The following PDE4B variants were observed in gnomAD, a reference collection of about 807,000 sequenced individuals.
The protein encoded by PDE4B is phosphodiesterase 4B.
In PDE4B, 20 loss-of-function variants were observed where a neutral mutation model predicts 82.2. That is an observed-to-expected ratio of 0.24 (90% CI 0.17 to 0.35). The LOEUF is 0.35. PDE4B is among the 10% of genes least tolerant of loss of function. The pLI, the probability that PDE4B is intolerant of heterozygous loss-of-function variation, is 1.00. For synonymous variants in PDE4B, 320 were observed against 318.9 expected (o/e 1.00, Z -0.04); for missense variants, 655 against 907.2 (o/e 0.72, Z 3.57).
intron 7 of PDE4B, among the ~76,000 whole-genome samples, chr1:66,321,675 A>G (rs1048220117): frequency 6.6e-6 from 1 of 152,298 alleles, no homozygotes; most frequent in African/African-American, 2.4e-5. Flanking sequence ...ATAAAAGAGG[A>G]CACAAACAAA....
chr1:66,356,053 G>T (rs1487313358), intron 9 of PDE4B, among the ~76,000 whole-genome samples: 1 of 152,168 alleles, frequency 6.6e-6, no homozygotes, highest in Non-Finnish European at 1.5e-5. Flanking sequence ...TTTTGTAGGG[G>T]ATATGGTTGA....
intron 8 of PDE4B, among the ~76,000 whole-genome samples, chr1:66,346,193 A>G (rs1661382795): frequency 6.6e-6 from 1 of 152,158 alleles, no homozygotes; most frequent in Admixed American, 6.5e-5. Flanking sequence ...TTCCTGGCAT[A>G]TTGGTGACAC....
intron 1 of PDE4B, among the ~76,000 whole-genome samples, chr1:65,804,756 C>T (rs950367440): frequency 3.3e-5 from 5 of 152,018 alleles, no homozygotes; most frequent in Non-Finnish European, 7.4e-5. Flanking sequence ...TGAGCTATTC[C>T]AGGTGGGCTG....
chr1:66,279,376 C>T (rs1375382712), intron 7 of PDE4B, among the ~76,000 whole-genome samples: 2 of 151,868 alleles, frequency 1.3e-5, no homozygotes, highest in Admixed American at 6.6e-5. Flanking sequence ...GAGTTTAAAC[C>T]GTTTGGAAAT....
At chr1:66,145,084 C>G (rs1646242984) in intron 3 of PDE4B, among the ~76,000 whole-genome samples, 7 of 152,174 alleles carry the variant, frequency 4.6e-5, no homozygotes, top group Admixed American at 3.9e-4. Context: ...CTGCTAGCTT[C>G]TAAAACAAAC....
chr1:66,337,476 A>C (rs986101165), intron 8 of PDE4B, among the ~76,000 whole-genome samples: 3 of 152,206 alleles, frequency 2.0e-5, no homozygotes, highest in African/African-American at 7.2e-5. Flanking sequence ...AGAGGCAGCA[A>C]TGAGAGGTGT....
chr1:65,819,953 C>A (rs1409173709), intron 1 of PDE4B, among the ~76,000 whole-genome samples: 1 of 152,132 alleles, frequency 6.6e-6, no homozygotes, highest in Non-Finnish European at 1.5e-5. Context: ...GAATAAGAGA[C>A]AGTATCAACA....
intron 3 of PDE4B, among the ~76,000 whole-genome samples, chr1:65,969,434 G>A (rs746835731): frequency 6.6e-6 from 1 of 152,158 alleles, no homozygotes; most frequent in African/African-American, 2.4e-5. Context: ...TGGGACACTT[G>A]ATGAATAATG....
chr1:66,340,193 G>A (rs1047640407), intron 8 of PDE4B, among the ~76,000 whole-genome samples: 11 of 152,130 alleles, frequency 7.2e-5, no homozygotes, highest in Non-Finnish European at 1.5e-4. Flanking sequence ...TCACTTGTAC[G>A]TGATGTTTCC....
chr1:66,077,735 C>T (rs924506458), intron 3 of PDE4B, among the ~76,000 whole-genome samples: 2 of 152,168 alleles, frequency 1.3e-5, no homozygotes, highest in African/African-American at 2.4e-5. Flanking sequence ...TTGTGAAGAA[C>T]TTGGGTTCTC....
chr1:66,096,896 C>A (rs1022976129), intron 3 of PDE4B, among the ~76,000 whole-genome samples: 2 of 151,784 alleles, frequency 1.3e-5, no homozygotes, highest in Non-Finnish European at 2.9e-5. Flanking sequence ...ATCTGGTCAG[C>A]ATAATGCTTC....
intron 1 of PDE4B, among the ~76,000 whole-genome samples, chr1:65,900,826 A>G (rs965253730): frequency 2.0e-5 from 3 of 152,106 alleles, no homozygotes; most frequent in Non-Finnish European, 4.4e-5. Context: ...AACTTTACTG[A>G]AGTCATTTAT....
At chr1:66,211,157 A>C (rs1650014768) in intron 3 of PDE4B, among the ~76,000 whole-genome samples, 1 of 152,220 alleles carries the variant, frequency 6.6e-6, no homozygotes, top group Non-Finnish European at 1.5e-5. Flanking sequence ...CCACATGGTC[A>C]CCTGAATTCC....
intron 6 of PDE4B, 61 bp from the exon 7 acceptor site, chr1:66,265,977 C>A: frequency 8.1e-7 from 1 of 1,227,920 alleles, no homozygotes; most frequent in Non-Finnish European, 1.2e-6. Context: ...GGTGGGGTGT[C>A]GGGGGTGGAA....
intron 3 of PDE4B, among the ~76,000 whole-genome samples, chr1:66,039,831 T>C (rs1037598798): frequency 1.3e-5 from 2 of 150,400 alleles, no homozygotes; most frequent in Non-Finnish European, 3.0e-5. Flanking sequence ...GTGGCTATTA[T>C]TTTGGTGTAT....
At chr1:65,941,528 G>A (rs1648448678) in intron 3 of PDE4B, among the ~76,000 whole-genome samples, 1 of 151,914 alleles carries the variant, frequency 6.6e-6, no homozygotes, top group Non-Finnish European at 1.5e-5. Context: ...GGAAAAACCA[G>A]AAAGGAGAAA....
intron 3 of PDE4B, among the ~76,000 whole-genome samples, chr1:66,167,338 G>A (rs886142955): frequency 6.6e-6 from 1 of 152,100 alleles, no homozygotes; most frequent in East Asian, 1.9e-4. Context: ...TGATATATGA[G>A]TACAATAGAA....
At chr1:66,357,197 C>T (rs1364236598) in intron 9 of PDE4B, among the ~76,000 whole-genome samples, 6 of 152,154 alleles carry the variant, frequency 3.9e-5, no homozygotes, top group African/African-American at 1.4e-4. Flanking sequence ...AAGAGACACT[C>T]ACTACTGGAG....
chr1:66,165,645 G>A (rs1044023556), intron 3 of PDE4B, among the ~76,000 whole-genome samples: 14 of 151,980 alleles, frequency 9.2e-5, no homozygotes, highest in African/African-American at 1.4e-4. Flanking sequence ...CTTTATAATA[G>A]CATCAAAAAG....
Sources: gnomAD v4.1 joint callset for allele counts (sites outside exome capture counted in the v4.1 genomes callset) on GRCh38, gnomAD v4.1.1 for gene constraint, MANE v1.5 for transcripts, NCBI Gene and HGNC (gene_info 2026-07-23, HGNC 2026-07-21) for gene names.